CAMTA1: variants seen among roughly 807,000 people sequenced by gnomAD.
CAMTA1 encodes the protein calmodulin binding transcription activator 1, also known as calmodulin-binding transcription activator 1.
A neutral mutation model predicts 170.9 loss-of-function variants in CAMTA1; 27 were observed. The observed-to-expected ratio is 0.16, with a 90% CI of 0.12 to 0.22. The LOEUF (loss-of-function observed/expected upper bound fraction) is 0.22, where lower values mean the gene tolerates loss of function less well. CAMTA1 is among the 10% of genes least tolerant of loss of function. The pLI is 1.00. For missense variants in CAMTA1, 1,619 were observed against 2,217.2 expected (o/e 0.73, Z 5.42); for synonymous variants, 833 against 891.5 (o/e 0.93, Z 1.17).
intron 5 of CAMTA1, among the ~76,000 whole-genome samples, chr1:7,324,363 T>G (rs1200136307): frequency 6.6e-6 from 1 of 152,198 alleles, no homozygotes; most frequent in Non-Finnish European, 1.5e-5. Context: ...TTTTCACTAT[T>G]CCAGGTTTAA....
intron 6 of CAMTA1, among the ~76,000 whole-genome samples, chr1:7,586,316 C>T (rs2095309424): frequency 6.6e-6 from 1 of 152,176 alleles, no homozygotes; most frequent in African/African-American, 2.4e-5. Flanking sequence ...GGGAAATGTC[C>T]TTGGCTCAAA....
At chr1:7,061,690 G>T (rs1708230187) in intron 3 of CAMTA1, among the ~76,000 whole-genome samples, 1 of 150,040 alleles carries the variant, frequency 6.7e-6, no homozygotes, top group Non-Finnish European at 1.5e-5. Context: ...GGGTGGGTTT[G>T]GTGGGGTGGT....
chr1:7,001,008 A>T (rs1698136735), intron 3 of CAMTA1, among the ~76,000 whole-genome samples: 2 of 152,198 alleles, frequency 1.3e-5, no homozygotes, highest in South Asian at 2.1e-4. Flanking sequence ...CCTTTCTTTC[A>T]GTTGTCACTT....
chr1:7,507,931 G>A (rs1404020608), intron 6 of CAMTA1, among the ~76,000 whole-genome samples: 1 of 152,230 alleles, frequency 6.6e-6, no homozygotes, highest in Admixed American at 6.5e-5. Flanking sequence ...TTGACCGAAT[G>A]CTGGTCCAAG....
In CAMTA1 at chr1:7,300,995, A is replaced by G. The variant is rs1674667150; in HGVS notation, c.438+51369A>G. 6.6e-6 allele frequency among the ~76,000 whole-genome samples: 1 copy of G among 152,172 alleles called. No individual in the cohort carries two copies. Among genetic ancestry groups the G allele is most frequent in the Non-Finnish European group, 1.5e-5 (1 of 68,026 alleles). On this transcript the variant is annotated intron_variant, in intron 5 of 22. Transcript: ENST00000303635. The surrounding 1 kb of genome is among the most constrained non-coding windows in gnomAD (Gnocchi z 4.1). The stretch of plus-strand genomic sequence containing the variant: ...TGGATTCTAGCAGCAATTACCCACC[A>G]TCCTTTATGCAAGTCGGTATTAAAT...
At chr1:7,543,119 G>A (rs569428523) in intron 6 of CAMTA1, among the ~76,000 whole-genome samples, 4 of 151,876 alleles carry the variant, frequency 2.6e-5, no homozygotes, top group African/African-American at 4.8e-5. Flanking sequence ...CGCCCACCTC[G>A]GCCTCCCAAA....
intron 3 of CAMTA1, among the ~76,000 whole-genome samples, chr1:7,018,045 C>T (rs921090331): frequency 1.2e-4 from 18 of 151,918 alleles, no homozygotes; most frequent in African/African-American, 4.1e-4. Context: ...TCGCTGCAGC[C>T]TTGACCTCCA....
chr1:7,268,507 G>T (rs139353822), intron 5 of CAMTA1, among the ~76,000 whole-genome samples: 1 of 152,086 alleles, frequency 6.6e-6, no homozygotes, highest in Non-Finnish European at 1.5e-5. Context: ...CAAACTAGTC[G>T]GTGTGAAGAG....
chr1:6,862,930 C>T (rs1361485324), intron 3 of CAMTA1, among the ~76,000 whole-genome samples: 1 of 152,146 alleles, frequency 6.6e-6, no homozygotes, highest in African/African-American at 2.4e-5. Flanking sequence ...TAACTATTTT[C>T]TTCGGGAAAA....
intron 5 of CAMTA1, among the ~76,000 whole-genome samples, chr1:7,310,647 T>TCTTTCC (rs61161982): frequency 1.1e-3 from 55 of 49,174 alleles, no homozygotes; most frequent in Middle Eastern, 9.4e-3. Flanking sequence ...TTTCTTTCTT[T>TCTTTCC]TTTCTTTCTT....
At position 7,330,050 on chromosome 1, in the gene CAMTA1, C is replaced by A. The variant is rs1328284056; in HGVS notation, c.438+80424C>A. On this transcript the variant is annotated intron_variant, in intron 5 of 22. Transcript: ENST00000303635. The stretch of plus-strand genomic sequence containing the variant: ...TTCTTTCTTCCCCAACACTTTCTCT[C>A]GGGCTTCTAGGCAGGCAGCAGACAT... 2.6e-5 allele frequency among the ~76,000 whole-genome samples: 4 copies of A among 152,120 alleles called. No individual in the cohort carries two copies. In the South Asian group the frequency reaches 8.3e-4, roughly 32 times the overall value.
At chr1:6,973,395 G>A (rs767459766) in intron 3 of CAMTA1, among the ~76,000 whole-genome samples, 2 of 152,078 alleles carry the variant, frequency 1.3e-5, no homozygotes, top group Non-Finnish European at 2.9e-5. Context: ...TCTGTGACTG[G>A]ATTCTTTCAC....
At chr1:7,387,130 TC>T (rs765634601) in intron 5 of CAMTA1, among the ~76,000 whole-genome samples, 20 of 151,930 alleles carry the variant, frequency 1.3e-4, no homozygotes, top group Non-Finnish European at 2.4e-4. Context: ...GGCTTCAGTC[TC>T]CCCCCTCCAA....
At chr1:7,154,720 C>G (rs949200894) in intron 4 of CAMTA1, among the ~76,000 whole-genome samples, 1 of 152,218 alleles carries the variant, frequency 6.6e-6, no homozygotes, top group Non-Finnish European at 1.5e-5. Context: ...CCACACCAGC[C>G]CGGAGGCTGG....
chr1:7,698,606 T>C (rs2096404146), intron 11 of CAMTA1: 1 of 152,236 alleles, frequency 6.6e-6, no homozygotes, highest in Non-Finnish European at 1.5e-5. Flanking sequence ...CAGGTGCAGC[T>C]CAGCTGGAGA....
In CAMTA1 at chr1:7,768,989, G is replaced by T. The variant is rs1190922490; in HGVS notation, c.*2498G>T. ...CCAGAGTAATGACCTCAGTGGATTT[G>T]CTTTAACCCTCACATTTTTTTTTTA... On this transcript the variant is annotated 3_prime_UTR_variant, in exon 23 of 23. Transcript: ENST00000303635. 6.7e-6 allele frequency: 1 copy of T among 148,660 alleles called. No homozygotes were observed. Among genetic ancestry groups the T allele is most frequent in the Non-Finnish European group, 1.5e-5 (1 of 66,662 alleles). 9.2% of individuals were successfully genotyped at this position (148,660 alleles called of 1,614,324 possible).
Position 7,020,201 on chromosome 1 carries a change from A to G in CAMTA1, c.235-71103A>G, listed in dbSNP as rs547048312. ...TAGATTCCAAAATATATACAGTTATATGGCATATTACGATGTTTTGGTCAA... is the reference window on the plus strand; with the variant it reads ...TAGATTCCAAAATATATACAGTTATGTGGCATATTACGATGTTTTGGTCAA... On this transcript the variant is annotated intron_variant, in intron 3 of 22. Coordinates refer to ENST00000303635, the MANE Select transcript of CAMTA1 (RefSeq NM_015215.4). 6.6e-5 allele frequency among the ~76,000 whole-genome samples: 10 copies of G among 152,392 alleles called. No individual in the cohort carries two copies. In the East Asian group the frequency reaches 1.2e-3, roughly 18 times the overall value.
chr1:7,342,834 A>G (rs1459940473), intron 5 of CAMTA1, among the ~76,000 whole-genome samples: 1 of 152,170 alleles, frequency 6.6e-6, no homozygotes, highest in Non-Finnish European at 1.5e-5. Flanking sequence ...CCAGTGGGCA[A>G]ACTATTCACC....
intron 4 of CAMTA1, among the ~76,000 whole-genome samples, chr1:7,204,985 C>T (rs577235004): frequency 2.0e-5 from 3 of 151,636 alleles, no homozygotes; most frequent in Non-Finnish European, 4.4e-5. Context: ...GCCCGGACCA[C>T]GCCCGGCTAA....
Sources: allele counts gnomAD v4.1 joint callset (sites outside exome capture counted in the v4.1 genomes callset), GRCh38; gene constraint gnomAD v4.1.1; non-coding constraint Gnocchi (gnomAD v3.1); transcripts MANE v1.5; gene names NCBI Gene and HGNC (gene_info 2026-07-23, HGNC 2026-07-21).